KIF24: variants seen among roughly 807,000 people sequenced by gnomAD.
KIF24 encodes kinesin-like protein KIF24.
In KIF24, 81 loss-of-function variants were observed where a neutral mutation model predicts 118.9. The ratio of observed to expected loss-of-function variants is 0.68; its 90% CI spans 0.57 to 0.82. KIF24 has a LOEUF of 0.82. Among genes scored for constraint, KIF24 ranks in the 40% least tolerant of loss-of-function variants. The pLI, the probability that KIF24 is intolerant of heterozygous loss-of-function variation, is 0.00. For synonymous variants in KIF24, 599 were observed against 610.0 expected, an observed-to-expected ratio of 0.98 and a Z score of 0.27; for missense variants, 1,560 against 1,661.6, an observed-to-expected ratio of 0.94 and a Z score of 1.06.
chr9:34,252,610 G>C lies in KIF24; in HGVS notation c.*1770C>G, dbSNP rs1465861057. 1 of 152,528 alleles carries C rather than the reference G, an allele frequency of 6.6e-6. No individual in the cohort carries two copies. The highest frequency in any genetic ancestry group is 1.5e-5 in the Non-Finnish European group (1 of 68,038). The allele number at this position is 152,528 out of a possible 1,614,324, so 9.4% of individuals were successfully genotyped here. A position where few individuals can be genotyped will look rare whatever the true frequency, so the allele number is the denominator to read the frequency against. On this transcript the variant is annotated 3_prime_UTR_variant, in exon 13 of 13. Transcript: ENST00000402558. ...GGTGTATAAAGAGATTTCTTGCTTA[G>C]ATTTGCTGGGGATAGAATAGGACCT...
At chr9:34,284,477 T>G (rs1487922412) in intron 6 of KIF24, among the ~76,000 whole-genome samples, 2 of 152,074 alleles carry the variant, frequency 1.3e-5, no homozygotes, top group African/African-American at 2.4e-5. Context: ...TTGTGGTATA[T>G]TCCTATGATA....
In KIF24 at chr9:34,257,624, CTTT is replaced by C. The variant is rs570788521; in HGVS notation, c.1980_1982del (p.Lys661del). 8.7e-6 allele frequency: 14 copies of C among 1,613,686 alleles called. No individual in the cohort carries two copies. Among genetic ancestry groups the C allele is most frequent in the Middle Eastern group, 1.6e-4 (1 of 6,084 alleles). ...AGCACAATGGTGCTGACTCTTCTGG[CTTT>C]TTTTTGGCCACATGTCCAGAGCGCA... On this transcript the variant is annotated inframe_deletion, in exon 11 of 13. Transcript: ENST00000402558.
rs751586913 is a variant in KIF24 at position 34,286,598 on chromosome 9, AGAAG to A, written c.1215+15_1215+18del. The A allele has an allele frequency of 2.6e-6, 4 of 1,559,726 alleles. No homozygotes were observed. The South Asian group carries it at 3.3e-5, about 13-fold the overall frequency. ...TTACACTGTTGTGGTGGGGTAATAA[AGAAG>A]GAAGAATTAATTACCTCTAAGAGGA... On this transcript the variant is annotated intron_variant, in intron 6 of 12. Transcript: ENST00000402558.
At chr9:34,262,715 G>T (rs1294208298) in intron 9 of KIF24, among the ~76,000 whole-genome samples, 73 of 37,998 alleles carry the variant, frequency 1.9e-3, no homozygotes, top group African/African-American at 7.8e-3. Flanking sequence ...TATATATATG[G>T]CCAGGCATGA....
At chr9:34,266,608 G>A (rs1205513212) in intron 8 of KIF24, among the ~76,000 whole-genome samples, 1 of 151,336 alleles carries the variant, frequency 6.6e-6, no homozygotes, top group African/African-American at 2.4e-5. Flanking sequence ...AACCTAGCAG[G>A]CAGAGGTTGC....
chr9:34,256,205 G>A lies in KIF24; in HGVS notation c.3402C>T (p.Pro1134=), dbSNP rs1327723357. Residue 1134 remains proline, a synonymous_variant, in exon 11 of 13, where the codon CCC becomes CCT. Transcript: ENST00000402558. ...GCTTGTCAGCTGGGTGCTGACGGAT[G>A]GGTGATGGGGACAGAGCTGGAAGAT... ...GGDLPALSPS[P]IRQHPADKLP... 1 of 1,602,086 alleles carries A rather than the reference G, an allele frequency of 6.2e-7. No individual in the cohort carries two copies. Among genetic ancestry groups the A allele is most frequent in the Admixed American group, 1.7e-5 (1 of 59,356 alleles).
At chr9:34,290,611 T>C (rs1836221383) in intron 4 of KIF24, among the ~76,000 whole-genome samples, 1 of 151,818 alleles carries the variant, frequency 6.6e-6, no homozygotes. Context: ...TTTTTTTTTT[T>C]TGTTTTTTGA....
chr9:34,315,306 A>G (rs1211958981), intron 1 of KIF24, among the ~76,000 whole-genome samples: 3 of 152,112 alleles, frequency 2.0e-5, no homozygotes, highest in Non-Finnish European at 4.4e-5. Context: ...ATTGTTTCTT[A>G]AGATCTTGGT....
At chr9:34,329,825 C>G (rs879257538), upstream of KIF24, among the ~76,000 whole-genome samples, 17 of 151,062 alleles carry the variant, frequency 1.1e-4, no homozygotes, top group Non-Finnish European at 2.1e-4. Context: ...GACTCTGAGC[C>G]TTGCTTGTCC....
chr9:34,324,332 T>C (rs1371467257), intron 1 of KIF24, among the ~76,000 whole-genome samples: 1 of 151,898 alleles, frequency 6.6e-6, no homozygotes, highest in African/African-American at 2.4e-5. Context: ...GGAAGGGGGG[T>C]GAAAATACCA....
intron 3 of KIF24, among the ~76,000 whole-genome samples, chr9:34,303,267 TAG>T (rs1363893248): frequency 6.6e-6 from 1 of 152,120 alleles, no homozygotes; most frequent in Non-Finnish European, 1.5e-5. Flanking sequence ...CCAGACCACG[TAG>T]AGTCTTGTTA....
intron 8 of KIF24, among the ~76,000 whole-genome samples, chr9:34,267,705 T>C (rs555788864): frequency 2.6e-5 from 4 of 152,348 alleles, no homozygotes; most frequent in Admixed American, 2.6e-4. Context: ...CAAGCTTTTT[T>C]GGTAATCAAA....
In KIF24 at chr9:34,252,484, G is replaced by C. The variant is rs1044793500; in HGVS notation, c.*1896C>G. ...AAATAATTTGCTAACTAACTATTTT[G>C]ATTCTTCAGAGAGAACTACTAATAA... On this transcript the variant is annotated 3_prime_UTR_variant, in exon 13 of 13. Coordinates refer to ENST00000402558, the MANE Select transcript of KIF24 (RefSeq NM_194313.4). 1.3e-5 allele frequency: 2 copies of C among 152,408 alleles called. No individual in the cohort carries two copies. Among genetic ancestry groups the C allele is most frequent in the African/African-American group, 4.8e-5 (2 of 41,366 alleles). 9.4% of individuals were successfully genotyped at this position (152,408 alleles called of 1,614,324 possible). A position where few individuals can be genotyped will look rare whatever the true frequency, so the allele number is the denominator to read the frequency against.
chr9:34,326,405 C>T (rs1347033290), intron 1 of KIF24, among the ~76,000 whole-genome samples: 1 of 152,110 alleles, frequency 6.6e-6, no homozygotes, highest in Non-Finnish European at 1.5e-5. Flanking sequence ...CCTCATGACA[C>T]TATTATTTTA....
intron 2 of KIF24, among the ~76,000 whole-genome samples, chr9:34,309,553 A>AG (rs1371042430): frequency 6.6e-6 from 1 of 151,870 alleles, no homozygotes; most frequent in East Asian, 1.9e-4. Flanking sequence ...AAAAAAAAAA[A>AG]AAAAAAAGAA....
In KIF24 at chr9:34,290,222, T is replaced by C. The variant is rs370091940; in HGVS notation, c.1079A>G (p.Tyr360Cys). The change falls in exon 5 of 13, where the codon TAT becomes TGT. Residue 360 changes from tyrosine (Y) to cysteine (C), a missense_variant. Physicochemically the swap from Tyr to Cys is radical, Grantham distance 194 (BLOSUM62 -2). Transcript: ENST00000402558. Reference sequence around the variant, plus strand: ...ATAAAGCTGTCCACAGTAAATTTCATAGAAGCTGATCCACACAAAGAGGTG... The same window carrying C: ...ATAAAGCTGTCCACAGTAAATTTCACAGAAGCTGATCCACACAAAGAGGTG... ...RKHLFVWISFYEIYCGQLYDL... is the reference protein window; with the variant it reads ...RKHLFVWISFCEIYCGQLYDL... The C allele has an allele frequency of 3.0e-5, 48 of 1,613,798 alleles. No individual in the cohort carries two copies. The highest frequency in any genetic ancestry group is 1.6e-4 in the Middle Eastern group (1 of 6,084).
In KIF24 at chr9:34,295,131, A is replaced by G. The variant is rs13284001; in HGVS notation, c.911+1886T>C. Among the ~76,000 whole-genome samples the G allele has an allele frequency of 1.6e-4, 17 of 106,522 alleles. No homozygotes were observed. The East Asian group carries it at 2.2e-3, about 14-fold the overall frequency. The allele number at this position is 106,522 out of a possible 152,430, so 69.9% of individuals were successfully genotyped here. ...ACAATTTTAATAGATAGGTAGGTAG[A>G]TAGGTAGGTAGGTAGATTAGATAGG... On this transcript the variant is annotated intron_variant, in intron 4 of 12. Transcript: ENST00000402558.
At chr9:34,317,588 G>A (rs906315565) in intron 1 of KIF24, among the ~76,000 whole-genome samples, 1 of 152,056 alleles carries the variant, frequency 6.6e-6, no homozygotes, top group African/African-American at 2.4e-5. Flanking sequence ...TGAGTAGCAC[G>A]ATTAAAATCT....
intron 3 of KIF24, among the ~76,000 whole-genome samples, chr9:34,304,312 C>T (rs931968582): frequency 6.6e-5 from 10 of 152,058 alleles, no homozygotes; most frequent in Admixed American, 5.9e-4. Context: ...AGGATTCGGA[C>T]CTATGAGAGC....
Sources: allele counts gnomAD v4.1 joint callset (sites outside exome capture counted in the v4.1 genomes callset), GRCh38; gene constraint gnomAD v4.1.1; transcripts MANE v1.5; gene names NCBI Gene and HGNC (gene_info 2026-07-23, HGNC 2026-07-21).